DENND5B: variants seen among roughly 807,000 people sequenced by gnomAD.
The protein encoded by DENND5B is DENN domain containing 5B.
A neutral mutation model predicts 140.6 loss-of-function variants in DENND5B; 34 were observed. That is an observed-to-expected ratio of 0.24 (90% CI 0.18 to 0.32). The LOEUF is 0.32. DENND5B is among the 10% of genes least tolerant of loss of function. The pLI, the probability that DENND5B is intolerant of heterozygous loss-of-function variation, is 1.00. For synonymous variants in DENND5B, 551 were observed against 562.1 expected (o/e 0.98, Z 0.28); for missense variants, 1,142 against 1,560.2 (o/e 0.73, Z 4.52).
intron 1 of DENND5B, among the ~76,000 whole-genome samples, chr12:31,523,798 A>C (rs1947989678): frequency 1.3e-5 from 2 of 152,244 alleles, no homozygotes; most frequent in African/African-American, 4.8e-5. Flanking sequence ...TGTACATGAC[A>C]CACTGGTTCT....
At chr12:31,570,407 T>C (rs1470491303) in intron 1 of DENND5B, among the ~76,000 whole-genome samples, 5 of 143,464 alleles carry the variant, frequency 3.5e-5, no homozygotes, top group Non-Finnish European at 6.1e-5. Flanking sequence ...GCCTCCCGAG[T>C]GGCTGAGACT....
intron 1 of DENND5B, among the ~76,000 whole-genome samples, chr12:31,516,537 A>G (rs1947659187): frequency 6.6e-6 from 1 of 150,608 alleles, no homozygotes; most frequent in African/African-American, 2.4e-5. Context: ...CCCATTATCT[A>G]TTTTTTCCAT....
intron 1 of DENND5B, among the ~76,000 whole-genome samples, chr12:31,518,578 T>C (rs200104571): frequency 3.3e-4 from 3 of 9,112 alleles, no homozygotes; most frequent in African/African-American, 1.0e-3. Flanking sequence ...CAAATATACC[T>C]TTTTTTTTTT....
At position 31,471,453 on chromosome 12, in the gene DENND5B, A is replaced by G. The variant is rs1945556162; in HGVS notation, c.904+8136T>C. Among the ~76,000 whole-genome samples the G allele has an allele frequency of 2.1e-5, 3 of 142,086 alleles. No individual in the cohort carries two copies. In the South Asian group the frequency reaches 6.6e-4, roughly 31 times the overall value. The allele number at this position is 142,086 out of a possible 152,430, so 93.2% of individuals were successfully genotyped here. A position where few individuals can be genotyped will look rare whatever the true frequency, so the allele number is the denominator to read the frequency against. On this transcript the variant is annotated intron_variant, in intron 3 of 20. Transcript: ENST00000389082. ...GCTGAGATTACAATCGCACACCACC[A>G]TGCCTGTATTTTTTTTTTTTTTTTT...
At chr12:31,442,576 TTC>T (rs1212252329) in intron 7 of DENND5B, among the ~76,000 whole-genome samples, 197 bp downstream of exon 7, 1 of 152,032 alleles carries the variant, frequency 6.6e-6, no homozygotes, top group Non-Finnish European at 1.5e-5. Context: ...CTTTGTTTTT[TTC>T]TTTTTTTTTT....
chr12:31,543,969 G>C (rs989411909), intron 1 of DENND5B, among the ~76,000 whole-genome samples: 17 of 152,184 alleles, frequency 1.1e-4, no homozygotes, highest in Non-Finnish European at 2.5e-4. Context: ...TTTGAGACCA[G>C]CCTGGCCAAC....
intron 3 of DENND5B, among the ~76,000 whole-genome samples, chr12:31,467,104 T>C (rs759310914): frequency 3.7e-4 from 56 of 150,382 alleles, no homozygotes; most frequent in Admixed American, 3.1e-3. Context: ...TAACATCCAA[T>C]GAACTATTTA....
At chr12:31,576,521 GA>G (rs918226552) in intron 1 of DENND5B, among the ~76,000 whole-genome samples, 2 of 151,574 alleles carry the variant, frequency 1.3e-5, no homozygotes, top group African/African-American at 2.4e-5. Context: ...AAAGAAAAAA[GA>G]AAAAAAGAAA....
At chr12:31,479,186 T>A (rs908511545) in intron 3 of DENND5B, among the ~76,000 whole-genome samples, 2 of 152,224 alleles carry the variant, frequency 1.3e-5, no homozygotes, top group African/African-American at 4.8e-5. Context: ...TTCGCTGAGT[T>A]TTGATGTGAA....
intron 1 of DENND5B, among the ~76,000 whole-genome samples, chr12:31,570,403 C>T (rs1415772862): frequency 6.6e-6 from 1 of 150,806 alleles, no homozygotes; most frequent in Non-Finnish European, 1.5e-5. Context: ...CTCAGCCTCC[C>T]GAGTGGCTGA....
chr12:31,533,692 T>C (rs531806679), intron 1 of DENND5B, among the ~76,000 whole-genome samples: 21 of 152,312 alleles, frequency 1.4e-4, no homozygotes, highest in African/African-American at 4.8e-4. Context: ...TGTAGTTGTA[T>C]GCATGTCTAA....
At chr12:31,555,735 CAAACAACTAA>C (rs1949254240) in intron 1 of DENND5B, among the ~76,000 whole-genome samples, 1 of 152,208 alleles carries the variant, frequency 6.6e-6, no homozygotes, top group Non-Finnish European at 1.5e-5. Context: ...TTTACCTAAT[CAAACAACTAA>C]CTTGGCAATG....
chr12:31,448,381 C>T (rs1219587231), intron 5 of DENND5B, among the ~76,000 whole-genome samples: 8 of 151,954 alleles, frequency 5.3e-5, no homozygotes, highest in Admixed American at 3.3e-4. Context: ...ATGCTCCGCC[C>T]GCCTCGGCCT....
intron 1 of DENND5B, among the ~76,000 whole-genome samples, chr12:31,567,496 C>T (rs898941764): frequency 7.1e-6 from 1 of 140,054 alleles, no homozygotes; most frequent in Non-Finnish European, 1.5e-5. Flanking sequence ...CACTGCACTC[C>T]AGCCTGGGCA....
At chr12:31,413,361 T>G (rs571074802) in intron 13 of DENND5B, 75 bp downstream of exon 13, 11 of 1,540,660 alleles carry the variant, frequency 7.1e-6, no homozygotes, top group Non-Finnish European at 9.7e-6. Context: ...AAGAAGCCAG[T>G]TTGTCAGTTT....
At chr12:31,392,145 A>G (rs941125423) in intron 19 of DENND5B, 122 bp downstream of exon 19, 2 of 1,063,110 alleles carry the variant, frequency 1.9e-6, no homozygotes, top group Admixed American at 3.6e-5. Context: ...TCTCAAAAAA[A>G]AAAAAAGAAA....
At chr12:31,542,060 G>A (rs1948695893) in intron 1 of DENND5B, among the ~76,000 whole-genome samples, 1 of 152,096 alleles carries the variant, frequency 6.6e-6, no homozygotes, top group Admixed American at 6.6e-5. Flanking sequence ...GGCCAAAACG[G>A]GCAGATCACA....
intron 16 of DENND5B, 73 bp from the exon 17 acceptor site, chr12:31,398,435 G>T: frequency 7.1e-7 from 1 of 1,412,634 alleles, no homozygotes. Flanking sequence ...CCCCTGAGTA[G>T]TTGAGACTAC....
chr12:31,499,992 A>G (rs747035734), intron 1 of DENND5B, among the ~76,000 whole-genome samples: 9 of 152,254 alleles, frequency 5.9e-5, no homozygotes, highest in Non-Finnish European at 1.2e-4. Context: ...TAATGCTTCT[A>G]TAGTCAGATA....
Sources: allele counts gnomAD v4.1 joint callset (sites outside exome capture counted in the v4.1 genomes callset), GRCh38; gene constraint gnomAD v4.1.1; transcripts MANE v1.5; gene names NCBI Gene and HGNC (gene_info 2026-07-23, HGNC 2026-07-21).